Variants in ARHGEF28 observed in about 807,000 individuals in gnomAD.
ARHGEF28 encodes 190 kDa guanine nucleotide exchange factor.
ARHGEF28 carries 152 observed loss-of-function variants against 206.6 expected under a neutral mutation model. That is an observed-to-expected ratio of 0.74 (90% CI 0.64 to 0.84). ARHGEF28 has a LOEUF of 0.84. ARHGEF28 is among the 40% of genes least tolerant of loss of function. The pLI, the probability that ARHGEF28 is intolerant of heterozygous loss-of-function variation, is 0.00. For synonymous variants in ARHGEF28, 763 were observed against 776.4 expected (o/e 0.98, Z 0.29); for missense variants, 2,028 against 2,073.2 (o/e 0.98, Z 0.42).
intron 9 of ARHGEF28, among the ~76,000 whole-genome samples, chr5:73,809,460 T>G (rs1755713773): frequency 6.6e-6 from 1 of 152,190 alleles, no homozygotes; most frequent in South Asian, 2.1e-4. Context: ...GGAGCCATTA[T>G]TTGAACCCGG....
At position 73,739,864 on chromosome 5, in the gene ARHGEF28, TAA is replaced by T. The variant is rs1258172356; in HGVS notation, c.34-9969_34-9968del. Among the ~76,000 whole-genome samples, 53 of 132,982 alleles carry T rather than the reference TAA, an allele frequency of 4.0e-4. 1 individual carries two copies. In the East Asian group the frequency reaches 0.011, roughly 28 times the overall value. The allele number at this position is 132,982 out of a possible 152,430, so 87.2% of individuals were successfully genotyped here. A position where few individuals can be genotyped will look rare whatever the true frequency, so the allele number is the denominator to read the frequency against. Reference sequence around the variant, plus strand: ...ATAAATAAATAAATAAATAAATAAATAAAAATAAAAAATAAACCTGGGGCTGG... The same window carrying T: ...ATAAATAAATAAATAAATAAATAAATAAATAAAAAATAAACCTGGGGCTGG... On this transcript the variant is annotated intron_variant, in intron 2 of 35. Coordinates refer to ENST00000513042, the MANE Select transcript of ARHGEF28 (RefSeq NM_001177693.2).
intron 16 of ARHGEF28, among the ~76,000 whole-genome samples, chr5:73,861,639 A>C (rs935680359): frequency 6.6e-6 from 1 of 152,242 alleles, no homozygotes; most frequent in African/African-American, 2.4e-5. Flanking sequence ...TGCTGACATC[A>C]AATGTATTTA....
At chr5:73,786,310 T>C (rs1305552650) in intron 7 of ARHGEF28, 1 of 152,184 alleles carries the variant, frequency 6.6e-6, no homozygotes, top group Admixed American at 6.5e-5. Context: ...AGAAAAGTTA[T>C]GTAACTTACC....
chr5:73,645,596 T>C (rs1239772595), intron 1 of ARHGEF28, among the ~76,000 whole-genome samples: 1 of 152,226 alleles, frequency 6.6e-6, no homozygotes, highest in Admixed American at 6.5e-5. Context: ...TCAGAAAACA[T>C]GATACTGAAC....
chr5:73,921,389 A>C (rs1459815397), intron 35 of ARHGEF28, among the ~76,000 whole-genome samples: 6 of 152,186 alleles, frequency 3.9e-5, no homozygotes, highest in African/African-American at 1.4e-4. Context: ...CTTAGTTTTG[A>C]TCTGTGGAGA....
chr5:73,813,006 A>G (rs2112521722), intron 9 of ARHGEF28, among the ~76,000 whole-genome samples: 1 of 152,278 alleles, frequency 6.6e-6, no homozygotes, highest in African/African-American at 2.4e-5. Context: ...ATGGTATGAA[A>G]GAATAGTCTG....
intron 18 of ARHGEF28, among the ~76,000 whole-genome samples, chr5:73,866,508 A>G (rs890620412): frequency 3.7e-4 from 57 of 152,290 alleles, no homozygotes; most frequent in African/African-American, 1.3e-3. Flanking sequence ...GATTCTTATC[A>G]GTTTCTGTTG....
chr5:73,855,866 G>A (rs1166176028), intron 14 of ARHGEF28, among the ~76,000 whole-genome samples: 1 of 152,174 alleles, frequency 6.6e-6, no homozygotes, highest in Non-Finnish European at 1.5e-5. Context: ...GGAGTTGGGA[G>A]TAGAGTTGGG....
intron 9 of ARHGEF28, among the ~76,000 whole-genome samples, chr5:73,804,310 T>C (rs1024215241): frequency 6.6e-6 from 1 of 152,122 alleles, no homozygotes; most frequent in African/African-American, 2.4e-5. Flanking sequence ...CACTGTTTTT[T>C]TTCCTGTGAA....
chr5:73,858,640 CAT>C (rs1021660204), intron 16 of ARHGEF28, among the ~76,000 whole-genome samples: 25 of 152,182 alleles, frequency 1.6e-4, no homozygotes, highest in African/African-American at 5.8e-4. Context: ...TTTCAGAAAA[CAT>C]ATAAAACCAG....
At chr5:73,742,380 A>G (rs1408980207) in intron 2 of ARHGEF28, among the ~76,000 whole-genome samples, 2 of 151,826 alleles carry the variant, frequency 1.3e-5, no homozygotes, top group African/African-American at 2.4e-5. Context: ...TTTTATTTTT[A>G]TGTTTTTTGT....
rs917756530 is a variant in ARHGEF28 at position 73,882,704 on chromosome 5, G to T, written c.2937+110G>T. ...TTCTTAGCTAATGATGCTTTTCAGGGGAAGAAGAAGGGAGGTGGAATGTTT... is the reference window on the plus strand; with the variant it reads ...TTCTTAGCTAATGATGCTTTTCAGGTGAAGAAGAAGGGAGGTGGAATGTTT... On this transcript the variant is annotated intron_variant, in intron 23 of 35. Transcript: ENST00000513042. 1.2e-4 allele frequency: 120 copies of T among 1,042,592 alleles called. No homozygotes were observed. The African/African-American group carries it at 1.8e-3, about 15-fold the overall frequency. The allele number at this position is 1,042,592 out of a possible 1,614,324, so 64.6% of individuals were successfully genotyped here. A position where few individuals can be genotyped will look rare whatever the true frequency, so the allele number is the denominator to read the frequency against.
chr5:73,735,695 C>T (rs992745008), intron 2 of ARHGEF28, among the ~76,000 whole-genome samples: 1 of 152,186 alleles, frequency 6.6e-6, no homozygotes, highest in Non-Finnish European at 1.5e-5. Context: ...TTGTGTTACT[C>T]CCCTGCTCAA....
rs554564944 is a variant in ARHGEF28 at position 73,808,654 on chromosome 5, A to G, written c.1024+13263A>G. Among the ~76,000 whole-genome samples, 5 of 152,338 alleles carry G rather than the reference A, an allele frequency of 3.3e-5. No homozygotes were observed. In the South Asian group the frequency reaches 1.0e-3, roughly 32 times the overall value. On this transcript the variant is annotated intron_variant, in intron 9 of 35. Transcript: ENST00000513042. ...AAGCATATATTTAAGTTGTCACTGC[A>G]CTGGCTCAGCTTATCCAGGAAAGGC...
intron 9 of ARHGEF28, among the ~76,000 whole-genome samples, chr5:73,800,262 A>G (rs1331833413): frequency 6.6e-6 from 1 of 152,188 alleles, no homozygotes; most frequent in Non-Finnish European, 1.5e-5. Context: ...AAGCTCCATT[A>G]TAGAAAGTAA....
intron 2 of ARHGEF28, among the ~76,000 whole-genome samples, chr5:73,736,022 A>G (rs1750905223): frequency 6.6e-6 from 1 of 152,228 alleles, no homozygotes; most frequent in South Asian, 2.1e-4. Flanking sequence ...AGCTCCGTGA[A>G]GAAAGAAAGG....
intron 2 of ARHGEF28, among the ~76,000 whole-genome samples, chr5:73,710,790 C>G (rs941491247): frequency 6.6e-6 from 1 of 152,102 alleles, no homozygotes; most frequent in Non-Finnish European, 1.5e-5. Flanking sequence ...GAAGCCTCTG[C>G]CTCGCGGGTT....
chr5:73,631,127 A>G (rs1158797211), intron 1 of ARHGEF28, among the ~76,000 whole-genome samples: 1 of 152,204 alleles, frequency 6.6e-6, no homozygotes, highest in Non-Finnish European at 1.5e-5. Flanking sequence ...CTCTGGAAAG[A>G]GGAAAGACAA....
chr5:73,766,367 A>G (rs1466737535), intron 4 of ARHGEF28, among the ~76,000 whole-genome samples: 1 of 152,206 alleles, frequency 6.6e-6, no homozygotes, highest in Non-Finnish European at 1.5e-5. Flanking sequence ...CTAAATGTTT[A>G]AGCTCTTTCC....
Sources: allele counts gnomAD v4.1 joint callset (sites outside exome capture counted in the v4.1 genomes callset), GRCh38; gene constraint gnomAD v4.1.1; transcripts MANE v1.5; gene names NCBI Gene and HGNC (gene_info 2026-07-23, HGNC 2026-07-21).